The following DISC1 variants were observed in gnomAD, a reference collection of about 807,000 sequenced individuals.
The protein encoded by DISC1 is DISC1 scaffold protein.
Under a neutral mutation model 84.5 loss-of-function variants are expected in DISC1, and 57 were observed. The ratio of observed to expected loss-of-function variants is 0.67; its 90% CI spans 0.55 to 0.84. DISC1 has a LOEUF of 0.84. DISC1 is among the 40% of genes least tolerant of loss of function. The pLI, the probability that DISC1 is intolerant of heterozygous loss-of-function variation, is 0.00. For synonymous variants in DISC1, 411 were observed against 415.2 expected, an observed-to-expected ratio of 0.99 and a Z score of 0.12; for missense variants, 1,000 against 1,057.8, an observed-to-expected ratio of 0.95 and a Z score of 0.76.
intron 1 of DISC1, among the ~76,000 whole-genome samples, chr1:231,688,252 A>G (rs1346766918): frequency 2.0e-5 from 3 of 152,054 alleles, no homozygotes; most frequent in South Asian, 2.1e-4. Context: ...TGTGTTTGCA[A>G]ACATGGACAA....
chr1:231,958,752 G>T, intron 9 of DISC1, 76 bp from the exon 10 acceptor site: 1 of 1,450,382 alleles, frequency 6.9e-7, no homozygotes, highest in South Asian at 1.2e-5. Context: ...CTTTGGCTTT[G>T]AGCTTTTAGT....
At chr1:232,034,455 T>C (rs1443659034) in intron 12 of DISC1, among the ~76,000 whole-genome samples, 1 of 152,254 alleles carries the variant, frequency 6.6e-6, no homozygotes, top group Non-Finnish European at 1.5e-5. Context: ...CCTTCTGTGT[T>C]AGCGATTGTT....
intron 8 of DISC1, among the ~76,000 whole-genome samples, chr1:231,814,496 A>G (rs1048928977): frequency 2.6e-5 from 4 of 152,174 alleles, no homozygotes; most frequent in African/African-American, 9.7e-5. Context: ...TTAAAAAGGA[A>G]AATAAATTGG....
intron 9 of DISC1, among the ~76,000 whole-genome samples, chr1:231,952,046 G>GCA (rs1283841207): frequency 8.3e-5 from 11 of 132,866 alleles, no homozygotes; most frequent in Non-Finnish European, 1.5e-4. Flanking sequence ...TCACGCCACT[G>GCA]CACTTTAGCC....
intron 12 of DISC1, among the ~76,000 whole-genome samples, chr1:232,030,702 G>A (rs573268538): frequency 2.2e-4 from 34 of 152,280 alleles, no homozygotes; most frequent in African/African-American, 6.0e-4. Flanking sequence ...CAAAGGTAAC[G>A]AGAGTTTTGG....
At chr1:231,993,933 G>T (rs1464064351) in intron 10 of DISC1, among the ~76,000 whole-genome samples, 1 of 152,094 alleles carries the variant, frequency 6.6e-6, no homozygotes, top group Non-Finnish European at 1.5e-5. Context: ...AAAATAAATT[G>T]TTATTCGAAT....
chr1:231,750,126 C>G (rs754387274), intron 4 of DISC1, 50 bp downstream of exon 4: 2 of 1,588,934 alleles, frequency 1.3e-6, no homozygotes, highest in Admixed American at 3.5e-5. Flanking sequence ...CTTCCTACCT[C>G]TCAGCTCCCA....
intron 9 of DISC1, chr1:231,818,756 C>T (rs1004435363): frequency 7.3e-7 from 1 of 1,369,202 alleles, no homozygotes; most frequent in African/African-American, 1.5e-5. Flanking sequence ...CCTGTCTCAA[C>T]CTGTGTTTGC....
chr1:231,970,915 G>A (rs1175215892), intron 10 of DISC1, among the ~76,000 whole-genome samples: 1 of 152,174 alleles, frequency 6.6e-6, no homozygotes, highest in Non-Finnish European at 1.5e-5. Flanking sequence ...ACATTCAGCT[G>A]TGATTTTTAC....
rs756445061 is a variant in DISC1 at position 231,694,338 on chromosome 1, G to C, written c.580G>C (p.Glu194Gln). The C allele has an allele frequency of 6.2e-7, 1 of 1,614,254 alleles. No homozygotes were observed. Among genetic ancestry groups the C allele is most frequent in the South Asian group, 1.1e-5 (1 of 91,084 alleles). Residue 194 changes from glutamate (E) to glutamine (Q), a missense_variant, in exon 2 of 13, where the codon GAG becomes CAG. Glu to Gln is a conservative substitution (Grantham distance 29). Coordinates refer to ENST00000439617, the MANE Select transcript of DISC1 (RefSeq NM_018662.3). ...SNSCSPGCGP[E>Q]VPPTPPGSHS... is the part of the protein sequence containing the mutation. ...CAGCTGCAGCCCTGGCTGTGGCCCT[G>C]AGGTCCCCCCAACCCCTCCTGGCTC...
chr1:231,802,833 C>G (rs2079382712), intron 8 of DISC1, among the ~76,000 whole-genome samples: 1 of 151,988 alleles, frequency 6.6e-6, no homozygotes, highest in Admixed American at 6.6e-5. Flanking sequence ...TTTGCCACTA[C>G]AAGGATCTTT....
chr1:231,890,061 C>T (rs537918402), intron 9 of DISC1, among the ~76,000 whole-genome samples: 1 of 152,294 alleles, frequency 6.6e-6, no homozygotes, highest in African/African-American at 2.4e-5. Context: ...ATGGCTTCTC[C>T]TAGACTCCAG....
At chr1:231,872,003 T>A (rs2085499261) in intron 9 of DISC1, among the ~76,000 whole-genome samples, 1 of 152,208 alleles carries the variant, frequency 6.6e-6, no homozygotes, top group African/African-American at 2.4e-5. Flanking sequence ...TTCCTCTGGC[T>A]TTCTCTTGGG....
At chr1:232,004,960 CCTTCCT>C (rs1667200168) in intron 10 of DISC1, among the ~76,000 whole-genome samples, 2 of 136,212 alleles carry the variant, frequency 1.5e-5, no homozygotes, top group African/African-American at 2.8e-5. Context: ...TTCCTTCCTT[CCTTCCT>C]TCTTCCCTTC....
chr1:231,759,675 C>CA (rs1208936338), intron 4 of DISC1, among the ~76,000 whole-genome samples: 2 of 152,106 alleles, frequency 1.3e-5, no homozygotes, highest in African/African-American at 4.8e-5. Flanking sequence ...CACTGCACTC[C>CA]AGCCTGGCTG....
intron 1 of DISC1, among the ~76,000 whole-genome samples, chr1:231,664,669 T>C (rs910756828): frequency 1.3e-5 from 2 of 152,148 alleles, no homozygotes; most frequent in African/African-American, 4.8e-5. Context: ...TGAGACTCAC[T>C]TTGACCTCCA....
At chr1:231,984,456 C>T (rs1378888512) in intron 10 of DISC1, among the ~76,000 whole-genome samples, 2 of 152,126 alleles carry the variant, frequency 1.3e-5, no homozygotes, top group African/African-American at 4.8e-5. Context: ...AGATGTCACT[C>T]AGAAGATCTT....
At chr1:231,938,079 G>T (rs1392590019) in intron 9 of DISC1, among the ~76,000 whole-genome samples, 2 of 151,980 alleles carry the variant, frequency 1.3e-5, no homozygotes, top group African/African-American at 4.8e-5. Context: ...TCCCCAGCTG[G>T]GTTTTCTTTT....
At chr1:231,955,488 T>A (rs821590) in intron 9 of DISC1, among the ~76,000 whole-genome samples, 91 of 60,224 alleles carry the variant, frequency 1.5e-3, no homozygotes, top group African/African-American at 0.011. Context: ...ATTCTTGACT[T>A]TTTTTTTTTT....
Sources: gnomAD v4.1 joint callset for allele counts (sites outside exome capture counted in the v4.1 genomes callset) on GRCh38, gnomAD v4.1.1 for gene constraint, MANE v1.5 for transcripts, NCBI Gene and HGNC (gene_info 2026-07-23, HGNC 2026-07-21) for gene names.